NDST2: variants seen among roughly 807,000 people sequenced by gnomAD.
NDST2 encodes bifunctional heparan sulfate N-deacetylase/N-sulfotransferase 2.
NDST2 carries 32 observed loss-of-function variants against 86.9 expected under a neutral mutation model. That is an observed-to-expected ratio of 0.37 (90% CI 0.28 to 0.49). The LOEUF is 0.49. NDST2 is among the 20% of genes least tolerant of loss of function. The pLI is 0.97. For missense variants in NDST2, 950 were observed against 1,146.9 expected (o/e 0.83, Z 2.48); for synonymous variants, 409 against 437.0 (o/e 0.94, Z 0.80).
Position 73,803,845 on chromosome 10 carries a change from G to T in NDST2, c.1967+48C>A, listed in dbSNP as rs370576056. The stretch of plus-strand genomic sequence containing the variant: ...GGAAGCTGGAATGGGGTATTTTGGG[G>T]GAAGGGAGTGTTCCTCTGAGAAACA... On this transcript the variant is annotated intron_variant, in intron 10 of 14. Coordinates refer to ENST00000309979, the MANE Select transcript of NDST2 (RefSeq NM_003635.4). The T allele has an allele frequency of 3.3e-4, 529 of 1,614,084 alleles. 1 individual carries two copies. The African/African-American group carries it at 6.5e-3, about 20-fold the overall frequency.
chr10:73,801,967 T>C lies in NDST2; in HGVS notation c.*484A>G. The C allele has an allele frequency of 2.7e-6, 1 of 376,820 alleles. No individual in the cohort carries two copies. Among genetic ancestry groups the C allele is most frequent in the Non-Finnish European group, 5.0e-6 (1 of 201,794 alleles). The allele number at this position is 376,820 out of a possible 1,614,324, so 23.3% of individuals were successfully genotyped here. ...ATTTCTAGCCCACAGCTAGGGCTCA[T>C]ACTCGGCTCTATGAGCCACTGTCCG... On this transcript the variant is annotated 3_prime_UTR_variant, in exon 15 of 15. Transcript: ENST00000309979. This position sits in a 1 kb window ranked among gnomAD's most constrained non-coding sequence, Gnocchi z 4.9.
Position 73,804,010 on chromosome 10 carries a change from G to A in NDST2, c.1850C>T (p.Thr617Ile). Reference sequence around the variant, plus strand: ...CAGGCTCAGGAAGAAGTGAATAGCTGTAGTCCCTAAATGGGAGAGAAAGAC... The same window carrying A: ...CAGGCTCAGGAAGAAGTGAATAGCTATAGTCCCTAAATGGGAGAGAAAGAC... ...LIVGPQKTGT[T>I]AIHFFLSLHP... Residue 617 changes from threonine (T) to isoleucine (I), a missense_variant, in exon 10 of 15, where the codon ACA (threonine) becomes ATA (isoleucine). Physicochemically the swap from Thr to Ile is moderately conservative, Grantham distance 89 (BLOSUM62 -1). Around this residue, in one of 5 missense-constraint regions of NDST2, gnomAD observed 17 missense variants for 40.1 expected, o/e 0.42. Transcript: ENST00000309979. 6.2e-7 allele frequency: 1 copy of A among 1,613,674 alleles called. No homozygotes were observed. Among genetic ancestry groups the A allele is most frequent in the Non-Finnish European group, 8.5e-7 (1 of 1,179,846 alleles).
At chr10:73,809,934 C>T (rs1303035314) in intron 2 of NDST2, among the ~76,000 whole-genome samples, 2 of 152,072 alleles carry the variant, frequency 1.3e-5, no homozygotes, top group Admixed American at 6.6e-5. Flanking sequence ...GGTCTTGTTA[C>T]GTTGCCCAGG....
rs374165222 is a variant in NDST2, at chr10:73,808,317, G to A, written c.72C>T (p.Ile24=). The A allele has an allele frequency of 9.4e-6, 15 of 1,594,750 alleles. No individual in the cohort carries two copies. The highest frequency in any genetic ancestry group is 2.3e-5 in the East Asian group (1 of 43,690). The part of the protein sequence containing the change: ...LELHRLILLL[I]AFSLGSMGFL... ...AGCCCATGGAGCCCAGGCTGAAAGC[G>A]ATCAGCAGCAGTATGAGGCGGTGCA... The change falls in exon 3 of 15, where the codon ATC becomes ATT. Residue 24 remains isoleucine, a synonymous_variant. Coordinates refer to ENST00000309979, the MANE Select transcript of NDST2 (RefSeq NM_003635.4). This position sits in a 1 kb window ranked among gnomAD's most constrained non-coding sequence, Gnocchi z 4.3.
Position 73,808,635 on chromosome 10 carries a change from T to C in NDST2, c.-247A>G. 2.2e-6 allele frequency: 1 copy of C among 446,878 alleles called. No individual in the cohort carries two copies. The highest frequency in any genetic ancestry group is 4.0e-6 in the Non-Finnish European group (1 of 250,812). 27.7% of individuals were successfully genotyped at this position (446,878 alleles called of 1,614,324 possible). A position where few individuals can be genotyped will look rare whatever the true frequency, so the allele number is the denominator to read the frequency against. On this transcript the variant is annotated 5_prime_UTR_variant, in exon 3 of 15. The change abolishes an upstream ATG in the 5' untranslated region. Transcript: ENST00000309979. The surrounding 1 kb of genome is among the most constrained non-coding windows in gnomAD (Gnocchi z 4.3). ...CAGGTCACCATGGCCCCCTGGCCCA[T>C]GGCTTCAGGCTGCAAATCTTGCCAG...
chr10:73,810,930 A>AG, intron 1 of NDST2, 27 bp from the exon 2 acceptor site: 1 of 398,844 alleles, frequency 2.5e-6, no homozygotes, highest in Non-Finnish European at 4.4e-6. Flanking sequence ...GGTTTAGGGA[A>AG]GGGGCGCCGG....
intron 11 of NDST2, 50 bp downstream of exon 11, chr10:73,803,524 T>TCACCCCCCCCCCC: frequency 2.4e-6 from 1 of 418,246 alleles, no homozygotes; most frequent in Non-Finnish European, 4.7e-6. Flanking sequence ...CACTGTCCCC[T>TCACCCCCCCCCCC]CCCCCCTCCC....
chr10:73,809,858 A>C (rs1344524258), intron 2 of NDST2, among the ~76,000 whole-genome samples: 2 of 152,090 alleles, frequency 1.3e-5, no homozygotes, highest in Non-Finnish European at 2.9e-5. Flanking sequence ...TCAGCCTCCC[A>C]TGTAGCTGGG....
In NDST2 at chr10:73,808,083, A is replaced by C. The variant is rs1352032234; in HGVS notation, c.306T>G (p.Ile102Met). 11 of 1,614,106 alleles carry C rather than the reference A, an allele frequency of 6.8e-6. No individual in the cohort carries two copies. Among genetic ancestry groups the C allele is most frequent in the Non-Finnish European group, 9.3e-6 (11 of 1,180,040 alleles). ...AACGACTAGACTCCAGGATGGCCACAATTTCCTGCCCCAGCTGTGAGTATG... is the reference window on the plus strand; with the variant it reads ...AACGACTAGACTCCAGGATGGCCACCATTTCCTGCCCCAGCTGTGAGTATG... ...ESAYSQLGQEIVAILESSRFR... is the reference protein window; with the variant it reads ...ESAYSQLGQEMVAILESSRFR... The change falls in exon 3 of 15, where the codon ATT becomes ATG. Residue 102 changes from isoleucine to methionine, a missense_variant. By Grantham distance (10) the Ile-to-Met change is conservative. This residue lies in a region of NDST2 where 586 missense variants were observed against 714.0 expected (regional missense o/e 0.82). Transcript: ENST00000309979. This position sits in a 1 kb window ranked among gnomAD's most constrained non-coding sequence, Gnocchi z 4.3.
rs760113650 is a variant in NDST2, at chr10:73,803,597, C to G, written c.2119G>C (p.Asp707His). 6.2e-7 allele frequency: 1 copy of G among 1,606,874 alleles called. No homozygotes were observed. Among genetic ancestry groups the G allele is most frequent in the African/African-American group, 1.3e-5 (1 of 74,228 alleles). Residue 707 changes from aspartate (D) to histidine (H), a missense_variant, in exon 11 of 15, where the codon GAC becomes CAC. Transcript: ENST00000309979. ...ACCTGGTACCAGGAGTAGGCCCTGT[C>G]AGCAGGGTTGGTGAGCACTGTGATG... is the stretch of plus-strand genomic sequence containing the variant. ...KIITVLTNPADRAYSWYQHQR... is the reference protein window; with the variant it reads ...KIITVLTNPAHRAYSWYQHQR...
rs776779466 is a variant in NDST2 at position 73,803,196 on chromosome 10, G to A, written c.2306C>T (p.Ser769Phe). Reference sequence around the variant, plus strand: ...CTCTTGTGGGGATTATACCTGTCCAGAGGGGTAGTAAGTCAGCCAGCGTTG... The same window carrying A: ...CTCTTGTGGGGATTATACCTGTCCAAAGGGGTAGTAAGTCAGCCAGCGTTG... ...HLQRWLTYYP[S>F]GQLLIVDGQE... Residue 769 changes from serine to phenylalanine, a missense_variant, in exon 12 of 15, where the codon TCT becomes TTT. Transcript: ENST00000309979. The A allele has an allele frequency of 5.6e-6, 9 of 1,614,126 alleles. No individual in the cohort carries two copies.
At chr10:73,810,324 G>C (rs977153947) in intron 2 of NDST2, among the ~76,000 whole-genome samples, 4 of 152,108 alleles carry the variant, frequency 2.6e-5, no homozygotes, top group Non-Finnish European at 2.9e-5. Flanking sequence ...TGGGCATGGT[G>C]GTGGGCGCCT....
chr10:73,806,041 G>A lies in NDST2; in HGVS notation c.1435-13C>T. ...GCCGGGGCAGCACCTGGAGGGAAAA[G>A]AAAAAACAGATGAGATTTGAAAGAT... On this transcript the variant is annotated splice_polypyrimidine_tract_variant and intron_variant, in intron 6 of 14. Transcript: ENST00000309979. The surrounding 1 kb of genome is among the most constrained non-coding windows in gnomAD (Gnocchi z 4.5). 1 of 1,608,420 alleles carries A rather than the reference G, an allele frequency of 6.2e-7. No individual in the cohort carries two copies. The highest frequency in any genetic ancestry group is 1.7e-5 in the Admixed American group (1 of 58,286).
chr10:73,801,953 A>C lies in NDST2; in HGVS notation c.*498T>G, dbSNP rs1388996345. 3 of 390,312 alleles carry C rather than the reference A, an allele frequency of 7.7e-6. No homozygotes were observed. Among genetic ancestry groups the C allele is most frequent in the African/African-American group, 6.3e-5 (3 of 47,706 alleles). 24.2% of individuals were successfully genotyped at this position (390,312 alleles called of 1,614,324 possible). A position where few individuals can be genotyped will look rare whatever the true frequency, so the allele number is the denominator to read the frequency against. On this transcript the variant is annotated 3_prime_UTR_variant, in exon 15 of 15. Transcript: ENST00000309979. This position sits in a 1 kb window ranked among gnomAD's most constrained non-coding sequence, Gnocchi z 4.9. Reference sequence around the variant, plus strand: ...TGTTTATTAAGGACATTTCTAGCCCACAGCTAGGGCTCATACTCGGCTCTA... The same window carrying C: ...TGTTTATTAAGGACATTTCTAGCCCCCAGCTAGGGCTCATACTCGGCTCTA...
chr10:73,804,781 T>TG lies in NDST2; in HGVS notation c.1834dup (p.Gln612ProfsTer20). Reference sequence around the variant, plus strand: ...AGCTAAGGATACTTCACCTGTTTTCTGGGGTCCCACAATGAGGAACTTCGG... The same window carrying TG: ...AGCTAAGGATACTTCACCTGTTTTCTGGGGGTCCCACAATGAGGAACTTCGG... On this transcript the variant is annotated frameshift_variant, in exon 9 of 15. Transcript: ENST00000309979. LOFTEE classifies it high-confidence loss of function. The TG allele has an allele frequency of 6.2e-7, 1 of 1,611,406 alleles. No individual in the cohort carries two copies. The highest frequency in any genetic ancestry group is 8.5e-7 in the Non-Finnish European group (1 of 1,177,920).
chr10:73,803,024 T>C lies in NDST2; in HGVS notation c.2371A>G (p.Ile791Val). The change falls in exon 13 of 15, where the codon ATC becomes GTC. Residue 791 changes from isoleucine to valine, a missense_variant. By Grantham distance (29) the Ile-to-Val change is conservative. Transcript: ENST00000309979. ...GGTGTGATACCCAGGAACTTCTGGA[T>C]GCTCTCCATTGAGGCTGCTGGGTTG... Reference protein sequence around the residue: ...RTNPAASMESIQKFLGITPFL... With the variant: ...RTNPAASMESVQKFLGITPFL... The C allele has an allele frequency of 3.7e-6, 6 of 1,614,228 alleles. No individual in the cohort carries two copies. The highest frequency in any genetic ancestry group is 5.1e-6 in the Non-Finnish European group (6 of 1,180,048).
intron 9 of NDST2, among the ~76,000 whole-genome samples, chr10:73,804,373 G>A (rs1316052149): frequency 6.6e-6 from 1 of 152,170 alleles, no homozygotes; most frequent in African/African-American, 2.4e-5. Flanking sequence ...GGGTGCGGTG[G>A]CTCATGCCTG....
At chr10:73,805,476 T>C in intron 8 of NDST2, 111 bp downstream of exon 8, 1 of 1,055,916 alleles carries the variant, frequency 9.5e-7, no homozygotes, top group Non-Finnish European at 1.4e-6. Flanking sequence ...ATTGTGCCAT[T>C]GTACTCTAGC....
Position 73,802,367 on chromosome 10 carries a change from ACT to A in NDST2, c.*82_*83del, listed in dbSNP as rs1342864758. On this transcript the variant is annotated 3_prime_UTR_variant, in exon 15 of 15. Coordinates refer to ENST00000309979, the MANE Select transcript of NDST2 (RefSeq NM_003635.4). ...GAGGTAGAGGGGGAGGGGCCAGGCC[ACT>A]CTAATCCCCCTTGTGGGCCCTGCTC... is the stretch of plus-strand genomic sequence containing the variant. 1.3e-6 allele frequency: 2 copies of A among 1,526,806 alleles called. No homozygotes were observed. Among genetic ancestry groups the A allele is most frequent in the Non-Finnish European group, 1.8e-6 (2 of 1,115,390 alleles). 94.6% of individuals were successfully genotyped at this position (1,526,806 alleles called of 1,614,324 possible).
Sources: gnomAD v4.1 joint callset for allele counts (sites outside exome capture counted in the v4.1 genomes callset) on GRCh38, gnomAD v4.1.1 for gene constraint, gnomAD v4.1.1 regional missense constraint, Gnocchi (gnomAD v3.1) non-coding constraint, MANE v1.5 for transcripts, NCBI Gene and HGNC (gene_info 2026-07-23, HGNC 2026-07-21) for gene names.